The following TTN variants were observed in gnomAD, a reference collection of about 807,000 sequenced individuals.
The protein encoded by TTN is connectin.
Under a neutral mutation model 3,223.0 loss-of-function variants are expected in TTN, and 1,525 were observed. That is an observed-to-expected ratio of 0.47 (90% CI 0.45 to 0.49). The LOEUF (loss-of-function observed/expected upper bound fraction) is 0.49. Among genes scored for constraint, TTN ranks in the 20% least tolerant of loss-of-function variants. The pLI is 0.00. For synonymous variants in TTN, 14,094 were observed against 15,161.0 expected (o/e 0.93, Z 5.17); for missense variants, 40,786 against 43,424.0 (o/e 0.94, Z 5.40).
At position 178,633,602 on chromosome 2, in the gene TTN, C is replaced by G. The variant is rs1276212237; in HGVS notation, c.42757G>C (p.Glu14253Gln). 2 of 1,613,206 alleles carry G rather than the reference C, an allele frequency of 1.2e-6. No homozygotes were observed. Among genetic ancestry groups the G allele is most frequent in the Non-Finnish European group, 1.7e-6 (2 of 1,179,610 alleles). ...VEKDEITLKC[E>Q]VSKDVPVKWF... is the part of the protein sequence containing the mutation. ...TTCACTGGTACATCTTTGCTCACTT[C>G]ACACTTCAAAGTAATCTCATCCTTC... Residue 14253 changes from glutamate to glutamine, a missense_variant, in exon 232 of 363, where the codon GAA becomes CAA. Glu to Gln is a conservative substitution (Grantham distance 29, BLOSUM62 2). Coordinates refer to ENST00000589042, the MANE Select transcript of TTN (RefSeq NM_001267550.2).
chr2:178,599,839 T>C lies in TTN; in HGVS notation c.56062A>G (p.Ile18688Val). ...ACCTCCATGAATTCTTTTAGATCAA[T>C]TGATGGTGGGCCTAGATTATTTAAA... ...TVKDQTCPPS[I>V]DLKEFMEVEE... Residue 18688 changes from isoleucine to valine, a missense_variant, in exon 289 of 363, where the codon ATT (isoleucine) becomes GTT (valine). Physicochemically the swap from Ile to Val is conservative, Grantham distance 29 (BLOSUM62 3). Coordinates refer to ENST00000589042, the MANE Select transcript of TTN (RefSeq NM_001267550.2). The C allele has an allele frequency of 1.9e-6, 3 of 1,585,090 alleles. No homozygotes were observed. Among genetic ancestry groups the C allele is most frequent in the Non-Finnish European group, 2.6e-6 (3 of 1,167,488 alleles).
Position 178,566,682 on chromosome 2 carries a change from G to A in TTN, c.79450C>T (p.Pro26484Ser). The change falls in exon 326 of 363, where the codon CCT (proline) becomes TCT (serine). Residue 26484 changes from proline to serine, a missense_variant. Physicochemically the swap from Pro to Ser is moderately conservative, Grantham distance 74. Coordinates refer to ENST00000589042, the MANE Select transcript of TTN (RefSeq NM_001267550.2). ...PATVYYKACD[P>S]VFKPGPPTNA... ...GTAGGTGGGCCAGGTTTGAACACAG[G>A]ATCACAGGCTTTATAATAAACTGTA... 1 of 1,613,244 alleles carries A rather than the reference G, an allele frequency of 6.2e-7. No homozygotes were observed. Among genetic ancestry groups the A allele is most frequent in the Middle Eastern group, 1.7e-4 (1 of 6,054 alleles).
chr2:178,619,643 G>C lies in TTN; in HGVS notation c.46674C>G (p.Ala15558=), dbSNP rs2154210546. 6.2e-7 allele frequency: 1 copy of C among 1,611,848 alleles called. No homozygotes were observed. ...EYRFIAKDKE[A]RAKLELAAAP... ...GACCTGCCAGTTCAAGCTTAGCTCT[G>C]GCTTCTTTGTCTTTGGCAATAAATC... The change falls in exon 250 of 363, where the codon GCC becomes GCG. Residue 15558 remains alanine, a synonymous_variant. Transcript: ENST00000589042.
In TTN at chr2:178,564,409, A is replaced by G. The variant is rs769821404; in HGVS notation, c.81723T>C (p.Tyr27241=). Residue 27241 remains tyrosine, a synonymous_variant, in exon 326 of 363, where the codon TAT becomes TAC. Transcript: ENST00000589042. ...CATTTCTTGCAATTACTCTAAATTCATATCTTTGGTCTTCTACAAGTCCAC... is the reference window on the plus strand; with the variant it reads ...CATTTCTTGCAATTACTCTAAATTCGTATCTTTGGTCTTCTACAAGTCCAC... ...TVSGLVEDQR[Y]EFRVIARNAA... 5.0e-6 allele frequency: 8 copies of G among 1,613,318 alleles called. No individual in the cohort carries two copies. The East Asian group carries it at 1.3e-4, about 27-fold the overall frequency.
chr2:178,646,796 C>A (rs542385067), intron 215 of TTN, among the ~76,000 whole-genome samples: 1 of 151,856 alleles, frequency 6.6e-6, no homozygotes, highest in South Asian at 2.1e-4. Context: ...AATTTGATAC[C>A]GTGTTATCAT....
At chr2:178,713,623 A>G in intron 92 of TTN, 1 of 697,780 alleles carries the variant, frequency 1.4e-6, no homozygotes, top group Non-Finnish European at 2.3e-6. Flanking sequence ...TATGTGGTGA[A>G]TTATTTCAGC....
At chr2:178,629,495 A>C (rs2059518163) in intron 239 of TTN, 52 bp from the exon 240 acceptor site, 1 of 1,607,316 alleles carries the variant, frequency 6.2e-7, no homozygotes, top group Admixed American at 1.7e-5. Flanking sequence ...TAATCCCAAA[A>C]GAATAAATAG....
At position 178,756,368 on chromosome 2, in the gene TTN, G is replaced by T. The variant is rs773438970; in HGVS notation, c.11108C>A (p.Ser3703Tyr). The change falls in exon 46 of 363, where the codon TCC becomes TAC. Residue 3703 changes from serine (S) to tyrosine (Y), a missense_variant. Transcript: ENST00000589042. ...WTHEGAKIEE[S>Y]ERLKQSQNGN... The stretch of plus-strand genomic sequence containing the variant: ...ATTTTGTGATTGTTTCAGTCTCTCG[G>T]ATTCCTCTATCTTTGCACCTTCGTG... 2 of 1,613,812 alleles carry T rather than the reference G, an allele frequency of 1.2e-6. No homozygotes were observed. The highest frequency in any genetic ancestry group is 1.7e-6 in the Non-Finnish European group (2 of 1,179,814).
chr2:178,649,114 CTTCA>C (rs1339901256), intron 213 of TTN, 130 bp downstream of exon 213: 6 of 683,630 alleles, frequency 8.8e-6, no homozygotes, highest in African/African-American at 1.9e-5. Context: ...ATTTTTTTCC[CTTCA>C]TTATTTCCCT....
At chr2:178,757,195 T>C (rs1439417986) in intron 45 of TTN, among the ~76,000 whole-genome samples, 3 of 152,120 alleles carry the variant, frequency 2.0e-5, no homozygotes, top group South Asian at 2.1e-4. Context: ...GTACAGTAAG[T>C]AATACTGTAC....
chr2:178,568,550 T>A lies in TTN; in HGVS notation c.77582A>T (p.His25861Leu), dbSNP rs769029689. 12 of 1,613,406 alleles carry A rather than the reference T, an allele frequency of 7.4e-6. No individual in the cohort carries two copies. The highest frequency in any genetic ancestry group is 1.7e-5 in the Admixed American group (1 of 59,988). ...TCCATATTGTCCACCATCATCCTTATGAGTTTCTTTAATACTGAGTGTGGT... is the reference window on the plus strand; with the variant it reads ...TCCATATTGTCCACCATCATCCTTAAGAGTTTCTTTAATACTGAGTGTGGT... ...DLTTLSIKET[H>L]KDDGGQYGIT... Residue 25861 changes from histidine to leucine, a missense_variant, in exon 326 of 363, where the codon CAT becomes CTT. Coordinates refer to ENST00000589042, the MANE Select transcript of TTN (RefSeq NM_001267550.2).
Position 178,570,561 on chromosome 2 carries a change from C to T in TTN, c.75571G>A (p.Gly25191Arg), listed in dbSNP as rs763964097. Residue 25191 changes from glycine (G) to arginine (R), a missense_variant, in exon 326 of 363, where the codon GGA (glycine) becomes AGA (arginine). Coordinates refer to ENST00000589042, the MANE Select transcript of TTN (RefSeq NM_001267550.2). ...ACATTCACAGTAACTGATCTTTCTC[C>T]TGCAACATTTTTGGCCTTCAGTATG... is the stretch of plus-strand genomic sequence containing the variant. The part of the protein sequence containing the change: ...NYILKAKNVA[G>R]ERSVTVNVKV... 1 of 1,613,356 alleles carries T rather than the reference C, an allele frequency of 6.2e-7. No homozygotes were observed. The highest frequency in any genetic ancestry group is 1.1e-5 in the South Asian group (1 of 91,074).
At chr2:178,764,339 T>G in intron 42 of TTN, 37 bp from the exon 43 acceptor site, 1 of 1,613,092 alleles carries the variant, frequency 6.2e-7, no homozygotes, top group South Asian at 1.1e-5. Context: ...CATGATTAAG[T>G]CACCATAGAG....
Position 178,578,894 on chromosome 2 carries a change from C to T in TTN, c.68136G>A (p.Met22712Ile), listed in dbSNP as rs777200566. ...TFRVTRLHEG[M>I]EYTFRVSAEN... ...CGGCACTGACCCTGAAGGTATATTC[C>T]ATGCCCTCATGAAGTCTGGTTACTC... The change falls in exon 320 of 363, where the codon ATG (methionine) becomes ATA (isoleucine). Residue 22712 changes from methionine to isoleucine, a missense_variant. By Grantham distance (10) the Met-to-Ile change is conservative. Coordinates refer to ENST00000589042, the MANE Select transcript of TTN (RefSeq NM_001267550.2). The T allele has an allele frequency of 4.3e-6, 7 of 1,613,190 alleles. No homozygotes were observed. The African/African-American group carries it at 8.0e-5, about 18-fold the overall frequency.
chr2:178,607,726 T>TA (rs1335028533), intron 276 of TTN, 41 bp from the exon 277 acceptor site: 2 of 1,611,524 alleles, frequency 1.2e-6, no homozygotes, highest in South Asian at 1.1e-5. Flanking sequence ...CATGAAAGAT[T>TA]AAAAAATAGT....
At chr2:178,738,047 A>C (rs1171152283) in intron 49 of TTN, 35 bp downstream of exon 49, 1 of 1,592,930 alleles carries the variant, frequency 6.3e-7, no homozygotes, top group Non-Finnish European at 8.6e-7. Flanking sequence ...ATATGAAATG[A>C]AGTGACAACA....
rs747208483 is a variant in TTN at position 178,540,061 on chromosome 2, G to T, written c.98098+7C>A. On this transcript the variant is annotated splice_region_variant and intron_variant, in intron 351 of 362. Coordinates refer to ENST00000589042, the MANE Select transcript of TTN (RefSeq NM_001267550.2). The stretch of plus-strand genomic sequence containing the variant: ...TATTGCAGAAAGCAAATGATCATAT[G>T]TCTCACCAAGCATTTCAGTGACTTT... 12 of 1,596,216 alleles carry T rather than the reference G, an allele frequency of 7.5e-6. No individual in the cohort carries two copies. Among genetic ancestry groups the T allele is most frequent in the Non-Finnish European group, 1.0e-5 (12 of 1,169,642 alleles).
At position 178,558,107 on chromosome 2, in the gene TTN, C is replaced by T. The variant is rs139099170; in HGVS notation, c.87247G>A (p.Val29083Ile). 3 of 1,613,762 alleles carry T rather than the reference C, an allele frequency of 1.9e-6. No individual in the cohort carries two copies. Among genetic ancestry groups the T allele is most frequent in the East Asian group, 4.5e-5 (2 of 44,872 alleles). ...LPKVTLSRDG[V>I]PLKATMRFNT... The stretch of plus-strand genomic sequence containing the variant: ...AATCTCATGGTTGCCTTAAGGGGGA[C>T]ACCATCTCTTGATAAGGTCACTTTG... The change falls in exon 328 of 363, where the codon GTC becomes ATC. Residue 29083 changes from valine (V) to isoleucine (I), a missense_variant. Transcript: ENST00000589042.
At position 178,730,304 on chromosome 2, in the gene TTN, C is replaced by A; in HGVS notation, c.18096G>T (p.Lys6032Asn). ...DVNPNTRVQL[K>N]ALVGGTAPMT... ...TGGGTGCAGTGCCACCCACAAGAGC[C>A]TTTAACTGTACCCTTGTGTTGGGAT... is the stretch of plus-strand genomic sequence containing the variant. Residue 6032 changes from lysine (K) to asparagine (N), a missense_variant, in exon 62 of 363, where the codon AAG becomes AAT. Lys to Asn is a moderately conservative substitution (Grantham distance 94). Coordinates refer to ENST00000589042, the MANE Select transcript of TTN (RefSeq NM_001267550.2). The A allele has an allele frequency of 6.2e-7, 1 of 1,611,898 alleles. No individual in the cohort carries two copies. The highest frequency in any genetic ancestry group is 8.5e-7 in the Non-Finnish European group (1 of 1,178,896).
Sources: allele counts gnomAD v4.1 joint callset (sites outside exome capture counted in the v4.1 genomes callset), GRCh38; gene constraint gnomAD v4.1.1; transcripts MANE v1.5; gene names NCBI Gene and HGNC (gene_info 2026-07-23, HGNC 2026-07-21).